RABGAP1L: variants seen among roughly 807,000 people sequenced by gnomAD.
RABGAP1L encodes RAB GTPase activating protein 1 like, also known as rab GTPase-activating protein 1-like.
Under a neutral mutation model 137.7 loss-of-function variants are expected in RABGAP1L, and 63 were observed. The ratio of observed to expected loss-of-function variants is 0.46; its 90% CI spans 0.37 to 0.56. The LOEUF (loss-of-function observed/expected upper bound fraction) is 0.56, where lower values mean the gene tolerates loss of function less well. Among genes scored for constraint, RABGAP1L ranks in the 20% least tolerant of loss-of-function variants. The pLI is 0.00. For synonymous variants in RABGAP1L, 431 were observed against 433.7 expected (o/e 0.99, Z 0.08); for missense variants, 1,095 against 1,244.0 (o/e 0.88, Z 1.80).
chr1:174,662,491 A>G (rs1370014913), intron 14 of RABGAP1L, among the ~76,000 whole-genome samples: 1 of 152,048 alleles, frequency 6.6e-6, no homozygotes. Context: ...ATCTCGGCTC[A>G]CTGCAAAACT....
At chr1:174,673,377 G>A (rs1223541021) in intron 14 of RABGAP1L, among the ~76,000 whole-genome samples, 1 of 151,908 alleles carries the variant, frequency 6.6e-6, no homozygotes, top group Non-Finnish European at 1.5e-5. Flanking sequence ...ACCATAATAT[G>A]ATTTTTTTTT....
At chr1:174,228,920 A>T (rs1360977152) in intron 3 of RABGAP1L, among the ~76,000 whole-genome samples, 1 of 152,146 alleles carries the variant, frequency 6.6e-6, no homozygotes, top group Non-Finnish European at 1.5e-5. Context: ...AGGTAGGGGC[A>T]TGAAGGGAGA....
chr1:174,254,865 G>C (rs1558074479), intron 7 of RABGAP1L, among the ~76,000 whole-genome samples: 1 of 152,180 alleles, frequency 6.6e-6, no homozygotes, highest in Non-Finnish European at 1.5e-5. Context: ...TAATGGGATT[G>C]CTGGGTCAAA....
intron 15 of RABGAP1L, among the ~76,000 whole-genome samples, chr1:174,694,036 T>C (rs895164733): frequency 1.9e-4 from 29 of 152,056 alleles, no homozygotes; most frequent in Non-Finnish European, 2.9e-4. Context: ...AAAAATACAT[T>C]GTAATGACGA....
intron 13 of RABGAP1L, among the ~76,000 whole-genome samples, chr1:174,529,056 T>C (rs72715218): frequency 0.22 from 31,538 of 142,654 alleles, 3,628 homozygotes; most frequent in Admixed American, 0.25. Context: ...GAATTATCTT[T>C]TGTTTTTTGT....
intron 11 of RABGAP1L, among the ~76,000 whole-genome samples, chr1:174,333,393 C>G (rs1681205437): frequency 6.6e-6 from 1 of 152,152 alleles, no homozygotes; most frequent in Non-Finnish European, 1.5e-5. Flanking sequence ...GATCATTACA[C>G]AATGTATACA....
At chr1:174,246,214 C>T (rs1182201142) in intron 5 of RABGAP1L, 1 of 152,178 alleles carries the variant, frequency 6.6e-6, no homozygotes, top group Non-Finnish European at 1.5e-5. Context: ...GTGCTCTCCT[C>T]CCTGCCTCTT....
At chr1:174,400,141 C>T (rs1402676998) in intron 13 of RABGAP1L, among the ~76,000 whole-genome samples, 2 of 152,180 alleles carry the variant, frequency 1.3e-5, no homozygotes, top group African/African-American at 2.4e-5. Context: ...GCTATCAATA[C>T]ATCAAAGAAT....
intron 18 of RABGAP1L, among the ~76,000 whole-genome samples, chr1:174,772,681 G>A (rs1686219373): frequency 6.6e-6 from 1 of 150,528 alleles, no homozygotes; most frequent in South Asian, 2.1e-4. Flanking sequence ...TCCATCTCCA[G>A]ATCTTTTTTT....
intron 19 of RABGAP1L, among the ~76,000 whole-genome samples, chr1:174,819,407 G>C (rs1690788022): frequency 6.6e-6 from 1 of 152,104 alleles, no homozygotes; most frequent in Admixed American, 6.6e-5. Context: ...CATTGTACCA[G>C]ATAGACCCAG....
At chr1:174,213,528 A>G (rs1669061231) in intron 1 of RABGAP1L, among the ~76,000 whole-genome samples, 1 of 152,184 alleles carries the variant, frequency 6.6e-6, no homozygotes, top group Non-Finnish European at 1.5e-5. Flanking sequence ...CAAACAAGTA[A>G]ACAACTGTAG....
intron 19 of RABGAP1L, among the ~76,000 whole-genome samples, chr1:174,822,105 A>G (rs1300704153): frequency 6.6e-6 from 1 of 152,166 alleles, no homozygotes; most frequent in Non-Finnish European, 1.5e-5. Context: ...TACTAAAAAT[A>G]CAAAAATTAG....
chr1:174,806,227 T>C (rs780929327), intron 18 of RABGAP1L, among the ~76,000 whole-genome samples: 5 of 152,196 alleles, frequency 3.3e-5, no homozygotes, highest in Non-Finnish European at 5.9e-5. Flanking sequence ...GCCTCTTCAT[T>C]GTCAGGGTAA....
intron 19 of RABGAP1L, among the ~76,000 whole-genome samples, chr1:174,924,945 T>TG (rs1239348405): frequency 2.6e-5 from 4 of 151,782 alleles, no homozygotes. Context: ...GCTGGAAGAG[T>TG]GCAGTGTTAA....
chr1:174,293,897 T>C (rs1273500869), intron 10 of RABGAP1L, among the ~76,000 whole-genome samples: 1 of 152,112 alleles, frequency 6.6e-6, no homozygotes, highest in Non-Finnish European at 1.5e-5. Context: ...GTAAAAATGT[T>C]ACAATACTAG....
At chr1:174,403,086 G>T (rs953918550) in intron 13 of RABGAP1L, among the ~76,000 whole-genome samples, 1 of 151,974 alleles carries the variant, frequency 6.6e-6, no homozygotes, top group Admixed American at 6.6e-5. Flanking sequence ...ATCAAAAGAT[G>T]CTTTTAATTG....
chr1:174,546,365 A>G (rs762821631), intron 13 of RABGAP1L, among the ~76,000 whole-genome samples: 1 of 152,230 alleles, frequency 6.6e-6, no homozygotes, highest in South Asian at 2.1e-4. Context: ...CCTATTAGGT[A>G]TAAATATATT....
intron 19 of RABGAP1L, among the ~76,000 whole-genome samples, chr1:174,908,944 C>T (rs1350412766): frequency 4.7e-5 from 7 of 150,242 alleles, no homozygotes; most frequent in South Asian, 2.1e-4. Flanking sequence ...GAGGCCGAGG[C>T]GGGCAGATCA....
chr1:174,569,399 G>A (rs901894544), intron 13 of RABGAP1L, among the ~76,000 whole-genome samples: 1 of 152,110 alleles, frequency 6.6e-6, no homozygotes, highest in African/African-American at 2.4e-5. Context: ...AGGGCTGCAC[G>A]GTAGAATGGT....
Sources: gnomAD v4.1 joint callset for allele counts (sites outside exome capture counted in the v4.1 genomes callset) on GRCh38, gnomAD v4.1.1 for gene constraint, MANE v1.5 for transcripts, NCBI Gene and HGNC (gene_info 2026-07-23, HGNC 2026-07-21) for gene names.